The following PTPRS variants were observed in gnomAD, a reference collection of about 807,000 sequenced individuals.
PTPRS encodes protein tyrosine phosphatase receptor type S, also known as receptor-type tyrosine-protein phosphatase S.
PTPRS carries 63 observed loss-of-function variants against 215.3 expected under a neutral mutation model. That is an observed-to-expected ratio of 0.29 (90% confidence interval 0.24 to 0.36). The LOEUF (loss-of-function observed/expected upper bound fraction) is 0.36, where lower values mean the gene tolerates loss of function less well. Ranked by LOEUF, PTPRS falls within the 10% of genes least tolerant of loss-of-function variation. The pLI is 1.00. For missense variants in PTPRS, 2,258 were observed against 2,825.8 expected, an observed-to-expected ratio of 0.80 and a Z score of 4.56; for synonymous variants, 1,404 against 1,191.4, an observed-to-expected ratio of 1.18 and a Z score of -3.68.
rs2047482121 is a variant in PTPRS, at chr19:5,277,507, T to A, written c.92-3163A>T. 2.6e-5 allele frequency among the ~76,000 whole-genome samples: 4 copies of A among 151,554 alleles called. No individual in the cohort carries two copies. In the South Asian group the frequency reaches 6.3e-4, roughly 24 times the overall value. Reference sequence around the variant, plus strand: ...CCATCTCTACTAAAAATACAAAAAATTAGCTGGGCGAGGTGGCAGGCACCT... The same window carrying A: ...CCATCTCTACTAAAAATACAAAAAAATAGCTGGGCGAGGTGGCAGGCACCT... On this transcript the variant is annotated intron_variant, in intron 2 of 37. Coordinates refer to ENST00000262963, the MANE Select transcript of PTPRS (RefSeq NM_002850.4).
intron 17 of PTPRS, 42 bp from the exon 18 acceptor site, chr19:5,223,339 C>T (rs780884067): frequency 1.9e-4 from 277 of 1,421,580 alleles, no homozygotes; most frequent in Middle Eastern, 7.3e-4. Flanking sequence ...CAGCGCCATC[C>T]GCCAGCCCAG....
At chr19:5,291,738 CCTCCA>C (rs72452612) in intron 1 of PTPRS, among the ~76,000 whole-genome samples, 7,157 of 151,964 alleles carry the variant, frequency 0.047, 191 homozygotes, top group Middle Eastern at 0.092. Flanking sequence ...CCACGAGATG[CCTCCA>C]CTCCAAGCTG....
At chr19:5,212,880 C>A (rs1016448207) in intron 30 of PTPRS, among the ~76,000 whole-genome samples, 1 of 151,794 alleles carries the variant, frequency 6.6e-6, no homozygotes, top group Non-Finnish European at 1.5e-5. Context: ...TCCCAGTCAC[C>A]ATGTCCCCAA....
intron 2 of PTPRS, among the ~76,000 whole-genome samples, chr19:5,277,012 T>C (rs747044891): frequency 1.3e-5 from 2 of 151,972 alleles, no homozygotes; most frequent in Non-Finnish European, 2.9e-5. Context: ...ACAGTAATGT[T>C]ACAATGTATC....
chr19:5,211,726 C>T lies in PTPRS; in HGVS notation c.5098G>A (p.Ala1700Thr), dbSNP rs1408970246. 3.7e-6 allele frequency: 6 copies of T among 1,614,058 alleles called. No homozygotes were observed. The highest frequency in any genetic ancestry group is 5.1e-6 in the Non-Finnish European group (6 of 1,179,994). ...TTGAACTTGTTACAAGGCAGATTGG[C>T]ACTGATGAAGCGTGACGTGTGGGCC... Reference protein sequence around the residue: ...SKAHTSRFISANLPCNKFKNR... With the variant: ...SKAHTSRFISTNLPCNKFKNR... The change falls in exon 33 of 38, where the codon GCC (alanine) becomes ACC (threonine). Residue 1700 changes from alanine (A) to threonine (T), a missense_variant. Coordinates refer to ENST00000262963, the MANE Select transcript of PTPRS (RefSeq NM_002850.4).
rs1399843532 is a variant in PTPRS at position 5,274,136 on chromosome 19, G to C, written c.237+63C>G. On this transcript the variant is annotated intron_variant, in intron 3 of 37. Coordinates refer to ENST00000262963, the MANE Select transcript of PTPRS (RefSeq NM_002850.4). ...TGTCCACGAAGTCCACTGTGGCTGAGGTGCTGTGGCCCTGCCTTGGGGGAG... is the reference window on the plus strand; with the variant it reads ...TGTCCACGAAGTCCACTGTGGCTGACGTGCTGTGGCCCTGCCTTGGGGGAG... 7 of 1,561,984 alleles carry C rather than the reference G, an allele frequency of 4.5e-6. No homozygotes were observed. The African/African-American group carries it at 8.1e-5, about 18-fold the overall frequency.
In PTPRS at chr19:5,265,086, G is replaced by T. The variant is rs753385888; in HGVS notation, c.490C>A (p.Pro164Thr). Residue 164 changes from proline (P) to threonine (T), a missense_variant, in exon 5 of 38, where the codon CCT (proline) becomes ACT (threonine). Pro to Thr is a conservative substitution (Grantham distance 38, BLOSUM62 -1). This residue lies in a region of PTPRS where 508 missense variants were observed against 799.4 expected (regional missense o/e 0.64). Coordinates refer to ENST00000262963, the MANE Select transcript of PTPRS (RefSeq NM_002850.4). The part of the protein sequence containing the change: ...MLCAASGNPD[P>T]EITWFKDFLP... Reference sequence around the variant, plus strand: ...AAGTCCTTGAACCAGGTGATCTCAGGGTCAGGGTTGCCGCTGGCTGCACAG... The same window carrying T: ...AAGTCCTTGAACCAGGTGATCTCAGTGTCAGGGTTGCCGCTGGCTGCACAG... 6.2e-7 allele frequency: 1 copy of T among 1,614,170 alleles called. No individual in the cohort carries two copies. The highest frequency in any genetic ancestry group is 8.5e-7 in the Non-Finnish European group (1 of 1,180,022).
Position 5,221,009 on chromosome 19 carries a change from A to G in PTPRS, c.3446T>C (p.Val1149Ala), listed in dbSNP as rs760980604. The G allele has an allele frequency of 1.2e-4, 186 of 1,610,320 alleles. No homozygotes were observed. In the South Asian group the frequency reaches 2.0e-3, roughly 17 times the overall value. Residue 1149 changes from valine to alanine, a missense_variant, in exon 20 of 38, where the codon GTG (valine) becomes GCG (alanine). By Grantham distance (64) the Val-to-Ala change is moderately conservative. Around this residue, in one of 6 missense-constraint regions of PTPRS, gnomAD observed 927 missense variants for 1,125.9 expected, o/e 0.82. Transcript: ENST00000262963. ...MVYLPDGQSP[V>A]PVQSYFIVMV... ...ATGGGGGTGAGCATACTGGACAGGC[A>G]CGGGGCTCTGGCCGTCAGGAAGATA... is the stretch of plus-strand genomic sequence containing the variant.
intron 14 of PTPRS, among the ~76,000 whole-genome samples, chr19:5,230,238 G>A (rs556575110): frequency 1.3e-5 from 2 of 152,304 alleles, no homozygotes; most frequent in South Asian, 4.2e-4. Flanking sequence ...GACATAATGG[G>A]GCTGTCCAAC....
In PTPRS at chr19:5,276,878, A is replaced by G. The variant is rs116611600; in HGVS notation, c.92-2534T>C. 1.7e-3 allele frequency among the ~76,000 whole-genome samples: 258 copies of G among 152,262 alleles called. 1 individual carries two copies. Among genetic ancestry groups the G allele is most frequent in the African/African-American group, 5.9e-3 (247 of 41,538 alleles). On this transcript the variant is annotated intron_variant, in intron 2 of 37. Coordinates refer to ENST00000262963, the MANE Select transcript of PTPRS (RefSeq NM_002850.4). The stretch of plus-strand genomic sequence containing the variant: ...TTAACATCCTAGAGCAACCTCATCA[A>G]GCTGCACCTGGGACAGGCTACAGTA...
chr19:5,215,633 TG>T, intron 26 of PTPRS, 38 bp from the exon 27 acceptor site: 2 of 953,672 alleles, frequency 2.1e-6, no homozygotes. Flanking sequence ...GTTGGTCACT[TG>T]GGGGGCCAGC....
chr19:5,267,898 A>G (rs928672638), intron 4 of PTPRS, among the ~76,000 whole-genome samples: 7 of 151,868 alleles, frequency 4.6e-5, no homozygotes, highest in Admixed American at 3.3e-4. Context: ...AGCCGGGCAC[A>G]GTGGGTCACG....
rs1234680598 is a variant in PTPRS, at chr19:5,250,957, G to A, written c.719-4912C>T. On this transcript the variant is annotated intron_variant, in intron 9 of 37. Transcript: ENST00000262963. ...GGGGTGCGGGGGCGGCGGGGGGGGG[G>A]GGGGGGGCTCTGCTGGGCATTTTGG... 7.0e-5 allele frequency: 7 copies of A among 99,736 alleles called. 1 individual carries two copies. The highest frequency in any genetic ancestry group is 2.0e-4 in the Admixed American group (2 of 9,798). The allele number at this position is 99,736 out of a possible 1,614,324, so 6.2% of individuals were successfully genotyped here.
intron 5 of PTPRS, 96 bp downstream of exon 5, chr19:5,264,912 G>T: frequency 7.2e-7 from 1 of 1,389,040 alleles, no homozygotes; most frequent in South Asian, 1.2e-5. Flanking sequence ...GTCTCTGTCT[G>T]TCCTCCAGTA....
chr19:5,285,326 C>T (rs1372176378), intron 2 of PTPRS, among the ~76,000 whole-genome samples: 1 of 152,230 alleles, frequency 6.6e-6, no homozygotes, highest in Non-Finnish European at 1.5e-5. Context: ...TCTCCAGGTC[C>T]TTCATGGTGG....
chr19:5,266,594 T>C (rs1240673613), intron 4 of PTPRS, among the ~76,000 whole-genome samples: 1 of 152,132 alleles, frequency 6.6e-6, no homozygotes, highest in South Asian at 2.1e-4. Context: ...CTCGAACTCC[T>C]GACCTCATCA....
At position 5,223,359 on chromosome 19, in the gene PTPRS, G is replaced by GT. The variant is rs2042182261; in HGVS notation, c.2495-63dup. On this transcript the variant is annotated intron_variant, in intron 17 of 37. Coordinates refer to ENST00000262963, the MANE Select transcript of PTPRS (RefSeq NM_002850.4). Reference sequence around the variant, plus strand: ...CCATCCGCCAGCCCAGAGGCACAAGGTGGGGTTGTATTTTTAATTCTTTTC... The same window carrying GT: ...CCATCCGCCAGCCCAGAGGCACAAGGTTGGGGTTGTATTTTTAATTCTTTTC... 4 of 1,394,990 alleles carry GT rather than the reference G, an allele frequency of 2.9e-6. No individual in the cohort carries two copies. In the East Asian group the frequency reaches 1.1e-4, roughly 40 times the overall value. 86.4% of individuals were successfully genotyped at this position (1,394,990 alleles called of 1,614,324 possible). A position where few individuals can be genotyped will look rare whatever the true frequency, so the allele number is the denominator to read the frequency against.
chr19:5,291,390 C>T (rs1231421235), intron 1 of PTPRS, among the ~76,000 whole-genome samples: 4 of 152,190 alleles, frequency 2.6e-5, no homozygotes, highest in Middle Eastern at 3.4e-3. Context: ...GGCTCTCAGT[C>T]GAGCCCAGAG....
At chr19:5,245,187 A>C (rs1278406857) in intron 10 of PTPRS, among the ~76,000 whole-genome samples, 3 of 144,148 alleles carry the variant, frequency 2.1e-5, no homozygotes, top group African/African-American at 7.9e-5. Flanking sequence ...ACAGGGTTTC[A>C]CCATGTTGGC....
Sources: allele counts gnomAD v4.1 joint callset (sites outside exome capture counted in the v4.1 genomes callset), GRCh38; gene constraint gnomAD v4.1.1; regional missense constraint gnomAD v4.1.1; transcripts MANE v1.5; gene names NCBI Gene and HGNC (gene_info 2026-07-23, HGNC 2026-07-21).